Variants in PCDH15 observed in about 807,000 individuals in gnomAD.
PCDH15 encodes protocadherin-15.
Under a neutral mutation model 178.5 loss-of-function variants are expected in PCDH15, and 129 were observed. The observed-to-expected ratio is 0.72, with a 90% CI of 0.63 to 0.84. PCDH15 has a LOEUF of 0.84. Ranked by LOEUF, PCDH15 falls within the 40% of genes least tolerant of loss-of-function variation. The probability of loss-of-function intolerance (pLI) is 0.00; values close to 1 mark genes in which losing one functional copy is unlikely to be tolerated. For synonymous variants in PCDH15, 800 were observed against 732.0 expected (o/e 1.09, Z -1.50); for missense variants, 2,230 against 2,099.9 (o/e 1.06, Z -1.21).
chr10:54,600,412 T>A, intron 2 of PCDH15: 1 of 567,196 alleles, frequency 1.8e-6, no homozygotes, highest in Non-Finnish European at 3.5e-6. Context: ...GGAAGAGGAG[T>A]AAGACATTGT....
chr10:53,821,373 G>C (rs565704707), intron 32 of PCDH15: 1 of 992,332 alleles, frequency 1.0e-6, no homozygotes, highest in Non-Finnish European at 1.2e-6. Context: ...ATTTTACTTC[G>C]GTAGTATTTC....
At chr10:55,082,613 A>G (rs1842071528) in intron 2 of PCDH15, among the ~76,000 whole-genome samples, 1 of 151,344 alleles carries the variant, frequency 6.6e-6, no homozygotes, top group Non-Finnish European at 1.5e-5. Flanking sequence ...AATATCAACA[A>G]AAAGAAAAGT....
At chr10:55,494,584 A>T (rs1840491404) in intron 2 of PCDH15, among the ~76,000 whole-genome samples, 3 of 151,658 alleles carry the variant, frequency 2.0e-5, no homozygotes, top group Admixed American at 1.3e-4. Flanking sequence ...TCCATTTAAT[A>T]ACTTTTATTT....
At chr10:54,702,965 GAAAC>G (rs1041374867) in intron 1 of PCDH15, among the ~76,000 whole-genome samples, 4 of 151,608 alleles carry the variant, frequency 2.6e-5, no homozygotes, top group Admixed American at 6.6e-5. Flanking sequence ...AAAATCCTCA[GAAAC>G]AAACAAACAA....
At chr10:55,605,358 T>A (rs1215761978) in intron 2 of PCDH15, among the ~76,000 whole-genome samples, 1 of 151,666 alleles carries the variant, frequency 6.6e-6, no homozygotes, top group African/African-American at 2.4e-5. Context: ...ACTATTCCAA[T>A]CAATAGAAAA....
Position 54,369,289 on chromosome 10 carries a change from A to G in PCDH15, c.319-14T>C. The G allele has an allele frequency of 1.9e-6, 3 of 1,611,448 alleles. No homozygotes were observed. The highest frequency in any genetic ancestry group is 2.5e-6 in the Non-Finnish European group (3 of 1,178,616). On this transcript the variant is annotated splice_polypyrimidine_tract_variant and intron_variant, in intron 4 of 37. Coordinates refer to ENST00000644397, the MANE Select transcript of PCDH15 (RefSeq NM_001384140.1). ...GTTCATCGGTGGCTGCAATGTAGAAATTGCATCTTTTAAAATACTAATTAA... is the reference window on the plus strand; with the variant it reads ...GTTCATCGGTGGCTGCAATGTAGAAGTTGCATCTTTTAAAATACTAATTAA...
At chr10:54,269,140 T>G (rs1347758636) in intron 8 of PCDH15, among the ~76,000 whole-genome samples, 1 of 151,974 alleles carries the variant, frequency 6.6e-6, no homozygotes, top group African/African-American at 2.4e-5. Context: ...ATGAAACATA[T>G]TCAATTAATT....
rs1047713909 is a variant in PCDH15 at position 55,331,804 on chromosome 10, C to T, written c.-155-165153G>A. Among the ~76,000 whole-genome samples, 52 of 151,952 alleles carry T rather than the reference C, an allele frequency of 3.4e-4. 1 individual carries two copies. The highest frequency in any genetic ancestry group is 2.1e-4 in the South Asian group (1 of 4,832). On this transcript the variant is annotated intron_variant, in intron 2 of 5. Transcript: ENST00000613346. The stretch of plus-strand genomic sequence containing the variant: ...TGAAAGTTTGAAAAAGCATTATTAA[C>T]GGGTAACAGGATATAAGAAATGGCA...
intron 1 of PCDH15, among the ~76,000 whole-genome samples, chr10:54,738,378 G>A (rs1944382894): frequency 6.6e-6 from 1 of 152,022 alleles, no homozygotes; most frequent in Non-Finnish European, 1.5e-5. Context: ...GTAACAATGT[G>A]GCTAAAATGT....
intron 2 of PCDH15, among the ~76,000 whole-genome samples, chr10:55,576,837 C>T (rs1183661690): frequency 6.6e-6 from 1 of 152,126 alleles, no homozygotes. Context: ...TTATTTGCAT[C>T]TCATCTCCAA....
intron 2 of PCDH15, among the ~76,000 whole-genome samples, chr10:55,007,781 C>A (rs1156547376): frequency 6.6e-6 from 1 of 152,006 alleles, no homozygotes; most frequent in Admixed American, 6.6e-5. Context: ...ATAATACATT[C>A]TAAAAGACAG....
At chr10:54,035,526 G>A (rs1486948549) in intron 18 of PCDH15, among the ~76,000 whole-genome samples, 1 of 151,788 alleles carries the variant, frequency 6.6e-6, no homozygotes, top group Non-Finnish European at 1.5e-5. Flanking sequence ...AATTAATAAA[G>A]GTTCTATGTA....
intron 2 of PCDH15, among the ~76,000 whole-genome samples, chr10:54,659,473 C>T (rs1487689285): frequency 6.6e-6 from 1 of 152,044 alleles, no homozygotes; most frequent in Non-Finnish European, 1.5e-5. Context: ...TATATATCAG[C>T]CGGGTGCAGT....
intron 16 of PCDH15, among the ~76,000 whole-genome samples, chr10:54,085,424 C>G (rs1353419187): frequency 6.6e-6 from 1 of 152,058 alleles, no homozygotes; most frequent in Admixed American, 6.6e-5. Flanking sequence ...ATGGCATTTC[C>G]TCAACCTCCC....
chr10:55,018,917 C>A (rs956742660), intron 2 of PCDH15, among the ~76,000 whole-genome samples: 3 of 151,932 alleles, frequency 2.0e-5, no homozygotes, highest in African/African-American at 7.3e-5. Flanking sequence ...TAATACATGG[C>A]ATAATTTAAT....
At chr10:54,663,538 A>G (rs2094523229) in intron 2 of PCDH15, among the ~76,000 whole-genome samples, 1 of 150,846 alleles carries the variant, frequency 6.6e-6, no homozygotes, top group Admixed American at 6.6e-5. Flanking sequence ...CAATTGGGCC[A>G]TTGCAAACAT....
intron 2 of PCDH15, among the ~76,000 whole-genome samples, chr10:55,016,642 C>A (rs546856884): frequency 6.6e-6 from 1 of 152,216 alleles, no homozygotes; most frequent in East Asian, 1.9e-4. Flanking sequence ...TTTCTTTATG[C>A]AATCATCTGT....
In PCDH15 at chr10:54,314,130, T is replaced by TACACACAC. The variant is rs58949602; in HGVS notation, c.876+3133_876+3140dup. Among the ~76,000 whole-genome samples, 12 of 149,828 alleles carry TACACACAC rather than the reference T, an allele frequency of 8.0e-5. No individual in the cohort carries two copies. In the East Asian group the frequency reaches 2.0e-3, roughly 25 times the overall value. ...TATTTAAAAGGATTTTAATTGGAAG[T>TACACACAC]ACACACACACACACACACACACACA... On this transcript the variant is annotated intron_variant, in intron 8 of 37. Coordinates refer to ENST00000644397, the MANE Select transcript of PCDH15 (RefSeq NM_001384140.1).
At chr10:55,034,337 T>C (rs1840685405) in intron 2 of PCDH15, among the ~76,000 whole-genome samples, 1 of 152,220 alleles carries the variant, frequency 6.6e-6, no homozygotes, top group Non-Finnish European at 1.5e-5. Context: ...AGTTGAATGT[T>C]ATTTCAGGAA....
Sources: gnomAD v4.1 joint callset for allele counts (sites outside exome capture counted in the v4.1 genomes callset) on GRCh38, gnomAD v4.1.1 for gene constraint, MANE v1.5 for transcripts, NCBI Gene and HGNC (gene_info 2026-07-23, HGNC 2026-07-21) for gene names.